UBR7: variants seen among roughly 807,000 people sequenced by gnomAD.
UBR7 encodes putative E3 ubiquitin-protein ligase UBR7.
Under a neutral mutation model 57.0 loss-of-function variants are expected in UBR7, and 22 were observed. The observed-to-expected ratio is 0.39, with a 90% CI of 0.28 to 0.55. The LOEUF (loss-of-function observed/expected upper bound fraction) is 0.55. Ranked by LOEUF, UBR7 falls within the 20% of genes least tolerant of loss-of-function variation. UBR7 has a pLI of 0.69. For synonymous variants in UBR7, 167 were observed against 179.8 expected (o/e 0.93, Z 0.57); for missense variants, 395 against 513.2 (o/e 0.77, Z 2.23).
rs755289071 is a variant in UBR7 at position 93,220,437 on chromosome 14, T to TC, written c.1123+27dup. The TC allele has an allele frequency of 1.9e-6, 3 of 1,613,638 alleles. No homozygotes were observed. The South Asian group carries it at 3.3e-5, about 18-fold the overall frequency. On this transcript the variant is annotated intron_variant, in intron 9 of 10. Coordinates refer to ENST00000013070, the MANE Select transcript of UBR7 (RefSeq NM_175748.4). ...GTAAATACTGTGTGTGTGTGAAAAT[T>TC]CATCATTTCCTTCACTATGTAAAAA...
At chr14:93,210,537 A>G in intron 2 of UBR7, 111 bp from the exon 3 acceptor site, 15 of 868,150 alleles carry the variant, frequency 1.7e-5, no homozygotes, top group East Asian at 2.7e-5. Context: ...GCTTTTGTAC[A>G]TATTAATTTC....
intron 6 of UBR7, among the ~76,000 whole-genome samples, chr14:93,218,286 C>A (rs1681819260): frequency 6.6e-6 from 1 of 151,964 alleles, no homozygotes; most frequent in African/African-American, 2.4e-5. Context: ...TGGCACGCAC[C>A]TGTAGTCCCA....
At chr14:93,208,925 G>A (rs187203036) in intron 1 of UBR7, among the ~76,000 whole-genome samples, 40 of 152,164 alleles carry the variant, frequency 2.6e-4, no homozygotes, top group African/African-American at 9.6e-4. Context: ...AGCCTCCCAA[G>A]TAGCTGGGAT....
At chr14:93,220,960 T>A (rs977172026) in intron 9 of UBR7, among the ~76,000 whole-genome samples, 1 of 152,132 alleles carries the variant, frequency 6.6e-6, no homozygotes, top group Non-Finnish European at 1.5e-5. Flanking sequence ...TATTTATTTA[T>A]TTTGAGACAG....
At chr14:93,221,854 G>C (rs757583819) in intron 9 of UBR7, among the ~76,000 whole-genome samples, 3 of 152,026 alleles carry the variant, frequency 2.0e-5, no homozygotes, top group Non-Finnish European at 4.4e-5. Context: ...ATGGTGGCGC[G>C]TGCCTGTAGT....
intron 3 of UBR7, among the ~76,000 whole-genome samples, chr14:93,211,546 C>CA (rs997756476): frequency 1.6e-4 from 23 of 144,812 alleles, no homozygotes; most frequent in South Asian, 2.2e-4. Context: ...GACTCCATCT[C>CA]AAAAAAAAAA....
In UBR7 at chr14:93,218,094, C is replaced by CAAA. The variant is rs33950162; in HGVS notation, c.602-419_602-417dup. The stretch of plus-strand genomic sequence containing the variant: ...GGGCAACAAGAGCGAAACTCTATCT[C>CAAA]AAAAAAAAAAAAAAAATAGCAAAAG... On this transcript the variant is annotated intron_variant, in intron 6 of 10. Transcript: ENST00000013070. Among the ~76,000 whole-genome samples, 9 of 134,502 alleles carry CAAA rather than the reference C, an allele frequency of 6.7e-5. 1 individual carries two copies. Among genetic ancestry groups the CAAA allele is most frequent in the African/African-American group, 1.6e-4 (6 of 36,420 alleles). 88.2% of individuals were successfully genotyped at this position (134,502 alleles called of 152,430 possible).
rs1894641689 is a variant in UBR7, at chr14:93,218,665, A to G, written c.740A>G (p.Asp247Gly). The G allele has an allele frequency of 7.4e-6, 12 of 1,614,156 alleles. No homozygotes were observed. Among genetic ancestry groups the G allele is most frequent in the Non-Finnish European group, 1.0e-5 (12 of 1,180,040 alleles). The change falls in exon 7 of 11, where the codon GAT becomes GGT. Residue 247 changes from aspartate to glycine, a missense_variant. Asp to Gly is a moderately conservative substitution (Grantham distance 94). Coordinates refer to ENST00000013070, the MANE Select transcript of UBR7 (RefSeq NM_175748.4). ...KEDVPEQGKDDVREVKVEQNS... is the reference protein window; with the variant it reads ...KEDVPEQGKDGVREVKVEQNS... ...GATGTTCCAGAACAGGGAAAGGATG[A>G]TGTCCGGGAGGTTAAAGTAGAGCAG...
intron 3 of UBR7, among the ~76,000 whole-genome samples, chr14:93,211,545 T>C (rs1048286949): frequency 4.7e-5 from 7 of 150,262 alleles, no homozygotes; most frequent in African/African-American, 1.7e-4. Flanking sequence ...AGACTCCATC[T>C]CAAAAAAAAA....
chr14:93,224,602 T>C (rs10135047), intron 10 of UBR7, among the ~76,000 whole-genome samples: 105,926 of 151,868 alleles, frequency 0.7, 38,782 homozygotes, highest in East Asian at 0.9. Context: ...TGGTCTCGAT[T>C]TCCTGACCTT....
In UBR7 at chr14:93,218,650, A is replaced by C; in HGVS notation, c.725A>C (p.Glu242Ala). The C allele has an allele frequency of 6.2e-7, 1 of 1,614,182 alleles. No homozygotes were observed. The highest frequency in any genetic ancestry group is 8.5e-7 in the Non-Finnish European group (1 of 1,180,036). ...AGTACCCTCAAAGAGGATGTTCCAG[A>C]ACAGGGAAAGGATGATGTCCGGGAG... ...QDSTLKEDVP[E>A]QGKDDVREVK... Residue 242 changes from glutamate to alanine, a missense_variant, in exon 7 of 11, where the codon GAA becomes GCA. Transcript: ENST00000013070.
At chr14:93,208,938 C>T (rs527741853) in intron 1 of UBR7, among the ~76,000 whole-genome samples, 6 of 152,240 alleles carry the variant, frequency 3.9e-5, no homozygotes, top group Admixed American at 1.3e-4. Context: ...GCTGGGATAA[C>T]AGGCGCCCGC....
intron 4 of UBR7, among the ~76,000 whole-genome samples, chr14:93,214,712 A>C (rs1207951421): frequency 6.6e-6 from 1 of 152,194 alleles, no homozygotes; most frequent in African/African-American, 2.4e-5. Context: ...TAAAATGGGA[A>C]TGCCCTCCTT....
At chr14:93,213,798 A>C (rs1894538566) in intron 4 of UBR7, among the ~76,000 whole-genome samples, 1 of 152,072 alleles carries the variant, frequency 6.6e-6, no homozygotes. Context: ...TTGTCTTTAG[A>C]GATATTAGTC....
intron 6 of UBR7, among the ~76,000 whole-genome samples, chr14:93,217,974 A>G (rs1165598109): frequency 1.3e-5 from 2 of 151,758 alleles, no homozygotes; most frequent in East Asian, 3.9e-4. Flanking sequence ...CATGCCTGTA[A>G]TCCCAGCTAC....
intron 7 of UBR7, 105 bp from the exon 8 acceptor site, chr14:93,219,107 G>T: frequency 7.5e-7 from 1 of 1,324,836 alleles, no homozygotes; most frequent in Non-Finnish European, 1.0e-6. Context: ...TTATGGCTTT[G>T]GATTTCAATT....
chr14:93,212,167 C>T (rs1334768832), intron 4 of UBR7, 40 bp downstream of exon 4: 2 of 1,489,536 alleles, frequency 1.3e-6, no homozygotes, highest in Admixed American at 1.8e-5. Flanking sequence ...TGTGTCCCCT[C>T]TAGCCTTGAT....
chr14:93,215,183 G>C lies in UBR7; in HGVS notation c.503G>C (p.Gly168Ala). The C allele has an allele frequency of 6.3e-7, 1 of 1,576,022 alleles. No individual in the cohort carries two copies. The highest frequency in any genetic ancestry group is 1.2e-5 in the South Asian group (1 of 86,124). Residue 168 changes from glycine (G) to alanine (A), a missense_variant, in exon 6 of 11, where the codon GGT becomes GCT. Coordinates refer to ENST00000013070, the MANE Select transcript of UBR7 (RefSeq NM_175748.4). ...GGTGTTCTATATTCACAGCATCTTG[G>C]TGCCATTCCCCCTGAGAGTGGGGAT... ...CEDWFHGRHL[G>A]AIPPESGDFQ... is the part of the protein sequence containing the mutation.
At position 93,218,708 on chromosome 14, in the gene UBR7, C is replaced by T. The variant is rs780177022; in HGVS notation, c.783C>T (p.Ala261=). Residue 261 remains alanine (A), a synonymous_variant, in exon 7 of 11, where the codon GCC becomes GCT. Coordinates refer to ENST00000013070, the MANE Select transcript of UBR7 (RefSeq NM_175748.4). The part of the protein sequence containing the change: ...VKVEQNSEPC[A]GSSSESDLQT... ...TAGAGCAGAACAGTGAACCATGTGCCGGCTCTAGTTCTGAATCTGATCTCC... is the reference window on the plus strand; with the variant it reads ...TAGAGCAGAACAGTGAACCATGTGCTGGCTCTAGTTCTGAATCTGATCTCC... 2.5e-5 allele frequency: 41 copies of T among 1,613,772 alleles called. No homozygotes were observed. The highest frequency in any genetic ancestry group is 5.0e-5 in the Admixed American group (3 of 59,976).
Sources: allele counts gnomAD v4.1 joint callset (sites outside exome capture counted in the v4.1 genomes callset), GRCh38; gene constraint gnomAD v4.1.1; transcripts MANE v1.5; gene names NCBI Gene and HGNC (gene_info 2026-07-23, HGNC 2026-07-21).